Variants in WDPCP observed in about 807,000 individuals in gnomAD.
The protein encoded by WDPCP is WD repeat-containing and planar cell polarity effector protein fritz homolog.
Under a neutral mutation model 93.1 loss-of-function variants are expected in WDPCP, and 71 were observed. The ratio of observed to expected loss-of-function variants is 0.76; its 90% CI spans 0.63 to 0.93. WDPCP has a LOEUF of 0.93. Among genes scored for constraint, WDPCP ranks in the 40% least tolerant of loss-of-function variants. The pLI is 0.00. For synonymous variants in WDPCP, 315 were observed against 315.0 expected, an observed-to-expected ratio of 1.00 and a Z score of 0.00; for missense variants, 844 against 887.4, an observed-to-expected ratio of 0.95 and a Z score of 0.62.
At chr2:63,459,043 C>T (rs952324604) in intron 6 of WDPCP, among the ~76,000 whole-genome samples, 12 of 152,118 alleles carry the variant, frequency 7.9e-5, no homozygotes, top group African/African-American at 2.4e-4. Flanking sequence ...TGAAACTGGA[C>T]CCCTATCTCT....
chr2:63,420,361 T>TGAAAAAAAAAA (rs1368696608), intron 9 of WDPCP, among the ~76,000 whole-genome samples: 1 of 120,546 alleles, frequency 8.3e-6, no homozygotes, highest in Non-Finnish European at 1.7e-5. Flanking sequence ...CATCTTTACT[T>TGAAAAAAAAAA]AAAAAAAAAA....
chr2:63,508,439 T>G (rs1702023837), intron 1 of WDPCP, among the ~76,000 whole-genome samples: 1 of 152,070 alleles, frequency 6.6e-6, no homozygotes, highest in Non-Finnish European at 1.5e-5. Flanking sequence ...AAGGAAGCAC[T>G]AAATATGGAA....
chr2:63,772,450 C>G (rs540551512), intron 2 of WDPCP, among the ~76,000 whole-genome samples: 1 of 152,062 alleles, frequency 6.6e-6, no homozygotes, highest in East Asian at 1.9e-4. Flanking sequence ...TTTAATGAGA[C>G]CACATAACCT....
chr2:63,715,058 T>C (rs1359514149), intron 2 of WDPCP, among the ~76,000 whole-genome samples: 2 of 152,202 alleles, frequency 1.3e-5, no homozygotes, highest in Non-Finnish European at 2.9e-5. Flanking sequence ...GACACAAAGG[T>C]CACATATGGG....
intron 6 of WDPCP, among the ~76,000 whole-genome samples, chr2:63,445,191 A>G (rs1697768699): frequency 6.6e-6 from 1 of 152,192 alleles, no homozygotes; most frequent in Non-Finnish European, 1.5e-5. Flanking sequence ...GTCAGGAAAC[A>G]AAAGTAAATA....
rs201403552 is a variant in WDPCP, at chr2:63,322,432, C to T, written c.1749-9121G>A. Among the ~76,000 whole-genome samples the T allele has an allele frequency of 9.9e-5, 15 of 152,260 alleles. No individual in the cohort carries two copies. In the East Asian group the frequency reaches 1.4e-3, roughly 14 times the overall value. ...CTTGCTGCTGCTCACTCTTTGGGTC[C>T]ATGCTGCCTTTATGAGCTGTAACAC... is the stretch of plus-strand genomic sequence containing the variant. On this transcript the variant is annotated intron_variant, in intron 12 of 17. Coordinates refer to ENST00000272321, the MANE Select transcript of WDPCP (RefSeq NM_015910.7).
chr2:63,417,114 T>C (rs1036477767), intron 9 of WDPCP, among the ~76,000 whole-genome samples: 2 of 152,138 alleles, frequency 1.3e-5, no homozygotes, highest in East Asian at 1.9e-4. Context: ...ACTGAGTAAA[T>C]AGCGGCTATT....
chr2:63,683,866 C>G (rs1225418293), intron 2 of WDPCP, among the ~76,000 whole-genome samples: 1 of 149,734 alleles, frequency 6.7e-6, no homozygotes, highest in Non-Finnish European at 1.5e-5. Flanking sequence ...AAAAAAAGAA[C>G]AGGCAAAGAA....
At chr2:63,162,648 C>T (rs2103905971) in intron 15 of WDPCP, among the ~76,000 whole-genome samples, 1 of 152,110 alleles carries the variant, frequency 6.6e-6, no homozygotes, top group East Asian at 1.9e-4. Context: ...GACTATTGTT[C>T]TATGTAAACT....
chr2:63,128,300 C>T (rs148539716), intron 17 of WDPCP, among the ~76,000 whole-genome samples: 1 of 152,232 alleles, frequency 6.6e-6, no homozygotes, highest in East Asian at 1.9e-4. Flanking sequence ...TAGAAACTCA[C>T]TCAAACATGT....
intron 9 of WDPCP, among the ~76,000 whole-genome samples, chr2:63,433,203 G>A (rs773467254): frequency 5.9e-5 from 9 of 152,080 alleles, no homozygotes; most frequent in African/African-American, 9.7e-5. Flanking sequence ...ATATCCTTGC[G>A]CCAAATGCGG....
chr2:63,532,904 C>A (rs1703972645), intron 1 of WDPCP, among the ~76,000 whole-genome samples: 1 of 152,162 alleles, frequency 6.6e-6, no homozygotes, highest in Non-Finnish European at 1.5e-5. Context: ...AATTAAAAGA[C>A]ACAGACTGGC....
At chr2:63,645,807 A>G (rs1710041269) in intron 3 of WDPCP, among the ~76,000 whole-genome samples, 1 of 152,206 alleles carries the variant, frequency 6.6e-6, no homozygotes, top group African/African-American at 2.4e-5. Context: ...TTTGTCTGAT[A>G]TAAGTATAGC....
At chr2:63,560,989 T>C (rs1706570165) in intron 1 of WDPCP, among the ~76,000 whole-genome samples, 1 of 152,182 alleles carries the variant, frequency 6.6e-6, no homozygotes, top group Non-Finnish European at 1.5e-5. Context: ...AATAAATAAA[T>C]GGTGCTGAGA....
At chr2:63,415,676 T>A (rs1156915605) in intron 9 of WDPCP, among the ~76,000 whole-genome samples, 2 of 152,172 alleles carry the variant, frequency 1.3e-5, no homozygotes, top group African/African-American at 4.8e-5. Flanking sequence ...CATAGGTAAC[T>A]AATAAGTTTA....
chr2:63,265,625 C>T (rs1682041855), intron 13 of WDPCP, among the ~76,000 whole-genome samples: 1 of 152,222 alleles, frequency 6.6e-6, no homozygotes, highest in Non-Finnish European at 1.5e-5. Flanking sequence ...CAAGCCCTTC[C>T]AACAAACTGA....
intron 2 of WDPCP, among the ~76,000 whole-genome samples, chr2:63,697,797 A>G (rs1226506177): frequency 1.3e-5 from 2 of 151,252 alleles, no homozygotes; most frequent in Non-Finnish European, 2.9e-5. Context: ...ACAGGGGTGT[A>G]CCACCATGCC....
intron 13 of WDPCP, among the ~76,000 whole-genome samples, chr2:63,306,232 A>G (rs1404111865): frequency 6.6e-6 from 1 of 152,230 alleles, no homozygotes; most frequent in African/African-American, 2.4e-5. Context: ...AAGTTCTGAA[A>G]TTGAGGCAGT....
At chr2:63,195,822 T>C (rs766302341) in intron 14 of WDPCP, among the ~76,000 whole-genome samples, 9 of 152,178 alleles carry the variant, frequency 5.9e-5, no homozygotes, top group African/African-American at 1.9e-4. Flanking sequence ...TCAAAATGTA[T>C]ACACACACTT....
Sources: allele counts gnomAD v4.1 joint callset (sites outside exome capture counted in the v4.1 genomes callset), GRCh38; gene constraint gnomAD v4.1.1; transcripts MANE v1.5; gene names NCBI Gene and HGNC (gene_info 2026-07-23, HGNC 2026-07-21).